Variants in CEP85L observed in about 807,000 individuals in gnomAD.
CEP85L encodes centrosomal protein of 85 kDa-like.
Under a neutral mutation model 100.3 loss-of-function variants are expected in CEP85L, and 60 were observed. That is an observed-to-expected ratio of 0.60 (90% confidence interval 0.49 to 0.74). The LOEUF (loss-of-function observed/expected upper bound fraction) is 0.74. Among genes scored for constraint, CEP85L ranks in the 30% least tolerant of loss-of-function variants. CEP85L has a pLI of 0.00. For missense variants in CEP85L, 973 were observed against 936.2 expected, an observed-to-expected ratio of 1.04 and a Z score of -0.51; for synonymous variants, 319 against 322.7, an observed-to-expected ratio of 0.99 and a Z score of 0.12.
chr6:118,485,170 A>G (rs1774088698), intron 6 of CEP85L, among the ~76,000 whole-genome samples: 1 of 152,174 alleles, frequency 6.6e-6, no homozygotes, highest in Non-Finnish European at 1.5e-5. Context: ...GCTCTTTCAT[A>G]TTTACTCCTA....
intron 1 of CEP85L, among the ~76,000 whole-genome samples, chr6:118,694,464 G>A (rs1249794519): frequency 6.6e-6 from 1 of 151,996 alleles, no homozygotes; most frequent in Non-Finnish European, 1.5e-5. Context: ...TCAACCAATG[G>A]CATCTTATAA....
chr6:118,506,198 T>C (rs1474124936), intron 5 of CEP85L, among the ~76,000 whole-genome samples: 1 of 152,158 alleles, frequency 6.6e-6, no homozygotes, highest in African/African-American at 2.4e-5. Flanking sequence ...ACTGATGCAA[T>C]TTTAACTAGT....
chr6:118,482,550 G>A (rs886885008), intron 7 of CEP85L, among the ~76,000 whole-genome samples: 4 of 152,120 alleles, frequency 2.6e-5, no homozygotes, highest in East Asian at 1.9e-4. Context: ...TTGTTAAGGC[G>A]AACAGGATTC....
At chr6:118,546,096 G>A (rs1334920817) in intron 3 of CEP85L, among the ~76,000 whole-genome samples, 7 of 152,080 alleles carry the variant, frequency 4.6e-5, no homozygotes, top group Non-Finnish European at 8.8e-5. Flanking sequence ...TTCTGTTTGG[G>A]CAATTAAAAA....
At chr6:118,513,600 A>G (rs1776093956) in intron 4 of CEP85L, among the ~76,000 whole-genome samples, 2 of 152,150 alleles carry the variant, frequency 1.3e-5, no homozygotes, top group African/African-American at 4.8e-5. Context: ...ACATGAGAAA[A>G]AATTTGAAAA....
At chr6:118,471,789 C>A (rs1363520225) in intron 10 of CEP85L, among the ~76,000 whole-genome samples, 1 of 148,530 alleles carries the variant, frequency 6.7e-6, no homozygotes, top group African/African-American at 2.5e-5. Context: ...AGCACCAAGT[C>A]AACAAGGGGC....
At chr6:118,495,634 TATAGCAGCATCAGAACAGACTA>T (rs1447662240) in intron 5 of CEP85L, among the ~76,000 whole-genome samples, 3 of 152,162 alleles carry the variant, frequency 2.0e-5, no homozygotes, top group African/African-American at 4.8e-5. Flanking sequence ...GGCAGTTCTT[TATAGCAGCATCAGAACAGACTA>T]ATACAAAGCC....
At chr6:118,511,160 T>C (rs768665734) in intron 5 of CEP85L, 138 bp downstream of exon 5, 1 of 625,068 alleles carries the variant, frequency 1.6e-6, no homozygotes, top group Non-Finnish European at 2.8e-6. Flanking sequence ...TGGACACTCT[T>C]TGCCACACAT....
intron 11 of CEP85L, among the ~76,000 whole-genome samples, chr6:118,469,658 C>T (rs763313325): frequency 5.3e-5 from 8 of 152,020 alleles, no homozygotes; most frequent in South Asian, 4.2e-4. Context: ...AGTACAGTGG[C>T]GCAATCATGA....
chr6:118,534,446 A>G (rs944127812), intron 3 of CEP85L, among the ~76,000 whole-genome samples: 1 of 152,044 alleles, frequency 6.6e-6, no homozygotes, highest in Non-Finnish European at 1.5e-5. Flanking sequence ...TGAGGTAAGG[A>G]GTTCGAGACC....
chr6:118,708,982 A>C (rs73515264), intron 1 of CEP85L, among the ~76,000 whole-genome samples: 1,660 of 152,354 alleles, frequency 0.011, 36 homozygotes, highest in African/African-American at 0.038. Flanking sequence ...AAGAATGACT[A>C]ACACTAAAAG....
intron 4 of CEP85L, among the ~76,000 whole-genome samples, chr6:118,516,524 C>A (rs756595679): frequency 6.6e-6 from 1 of 151,846 alleles, no homozygotes; most frequent in African/African-American, 2.4e-5. Flanking sequence ...CTTTTTTTCA[C>A]GTTTGTTGGC....
intron 1 of CEP85L, among the ~76,000 whole-genome samples, chr6:118,650,590 G>C (rs1199510469): frequency 6.6e-6 from 1 of 152,220 alleles, no homozygotes; most frequent in African/African-American, 2.4e-5. Flanking sequence ...GGGGCTGCGG[G>C]GCGGCGACCA....
intron 1 of CEP85L, among the ~76,000 whole-genome samples, chr6:118,640,002 T>C (rs966795719): frequency 6.6e-6 from 1 of 152,198 alleles, no homozygotes; most frequent in Non-Finnish European, 1.5e-5. Flanking sequence ...TCAATGCAGC[T>C]TTTTTTAAGG....
At chr6:118,544,777 A>G (rs552440302) in intron 3 of CEP85L, among the ~76,000 whole-genome samples, 1 of 152,192 alleles carries the variant, frequency 6.6e-6, no homozygotes, top group South Asian at 2.1e-4. Flanking sequence ...TAAGCTTTAT[A>G]GGTTACTTTA....
chr6:118,649,198 ATAAT>A (rs1281522909), intron 1 of CEP85L, among the ~76,000 whole-genome samples: 2 of 152,150 alleles, frequency 1.3e-5, no homozygotes, highest in South Asian at 2.1e-4. Context: ...AACACAATAA[ATAAT>A]TACATTACTA....
chr6:118,528,687 T>A (rs1777113494), intron 3 of CEP85L, among the ~76,000 whole-genome samples: 1 of 152,196 alleles, frequency 6.6e-6, no homozygotes, highest in African/African-American at 2.4e-5. Context: ...TCCATGTGTA[T>A]CTACCTACCT....
At chr6:118,561,292 T>C (rs1427658308) in intron 3 of CEP85L, among the ~76,000 whole-genome samples, 3 of 152,188 alleles carry the variant, frequency 2.0e-5, no homozygotes, top group Admixed American at 1.3e-4. Context: ...TAAAAACAAG[T>C]GGAAAATTTG....
chr6:118,709,186 G>C (rs117704939), intron 1 of CEP85L, among the ~76,000 whole-genome samples: 1 of 152,088 alleles, frequency 6.6e-6, no homozygotes, highest in African/African-American at 2.4e-5. Flanking sequence ...GGAGGGTAGC[G>C]ACCTCCATGA....
Sources: gnomAD v4.1 joint callset for allele counts (sites outside exome capture counted in the v4.1 genomes callset) on GRCh38, gnomAD v4.1.1 for gene constraint, MANE v1.5 for transcripts, NCBI Gene and HGNC (gene_info 2026-07-23, HGNC 2026-07-21) for gene names.